KCTD7: variants seen among roughly 807,000 people sequenced by gnomAD.
KCTD7 encodes potassium channel tetramerization domain containing 7.
KCTD7 carries 15 observed loss-of-function variants against 27.0 expected under a neutral mutation model. The ratio of observed to expected loss-of-function variants is 0.56; its 90% CI spans 0.37 to 0.86. The LOEUF (loss-of-function observed/expected upper bound fraction) is 0.86. KCTD7 is among the 40% of genes least tolerant of loss of function. KCTD7 has a pLI of 0.00. For synonymous variants in KCTD7, 159 were observed against 162.7 expected (o/e 0.98, Z 0.17); for missense variants, 299 against 398.9 (o/e 0.75, Z 2.13).
rs758648043 is a variant in KCTD7, at chr7:66,628,952, C to G, written c.-113C>G. ...CCTGCGCACTGCCTCTCGCCCCCCT[C>G]CGGCCAGCCCGCAGCCGGCCGCGTC... On this transcript the variant is annotated 5_prime_UTR_variant, in exon 1 of 4. Coordinates refer to ENST00000639828, the MANE Select transcript of KCTD7 (RefSeq NM_153033.5). 1 of 1,136,668 alleles carries G rather than the reference C, an allele frequency of 8.8e-7. No individual in the cohort carries two copies. The highest frequency in any genetic ancestry group is 1.2e-6 in the Non-Finnish European group (1 of 860,108). The allele number at this position is 1,136,668 out of a possible 1,614,324, so 70.4% of individuals were successfully genotyped here.
In KCTD7 at chr7:66,639,523, AG is replaced by A; in HGVS notation, c.*292del. Reference sequence around the variant, plus strand: ...GCTGATAGCTAGGGCTTGACCAGGAAGTCCCGAGAAGTTTTGTCACCTTCTT... The same window carrying A: ...GCTGATAGCTAGGGCTTGACCAGGAATCCCGAGAAGTTTTGTCACCTTCTT... On this transcript the variant is annotated 3_prime_UTR_variant, in exon 4 of 4. Coordinates refer to ENST00000639828, the MANE Select transcript of KCTD7 (RefSeq NM_153033.5). The A allele has an allele frequency of 7.2e-7, 1 of 1,384,780 alleles. No individual in the cohort carries two copies. Among genetic ancestry groups the A allele is most frequent in the Non-Finnish European group, 9.4e-7 (1 of 1,067,336 alleles). 85.8% of individuals were successfully genotyped at this position (1,384,780 alleles called of 1,614,324 possible). A position where few individuals can be genotyped will look rare whatever the true frequency, so the allele number is the denominator to read the frequency against.
At chr7:66,632,869 C>T (rs562725104) in intron 1 of KCTD7, among the ~76,000 whole-genome samples, 89 of 142,840 alleles carry the variant, frequency 6.2e-4, no homozygotes, top group African/African-American at 2.3e-3. Flanking sequence ...CAGTGAAACC[C>T]CATCTCTACT....
intron 1 of KCTD7, among the ~76,000 whole-genome samples, chr7:66,631,108 CCTGT>C (rs1034405797): frequency 6.6e-5 from 10 of 152,276 alleles, no homozygotes; most frequent in South Asian, 2.1e-4. Flanking sequence ...AGTGTAACTA[CCTGT>C]CTATTTCTTT....
At position 66,639,214 on chromosome 7, in the gene KCTD7, C is replaced by T; in HGVS notation, c.852C>T (p.Phe284=). 1 of 1,612,868 alleles carries T rather than the reference C, an allele frequency of 6.2e-7. No individual in the cohort carries two copies. Among genetic ancestry groups the T allele is most frequent in the Non-Finnish European group, 8.5e-7 (1 of 1,180,034 alleles). ...ACTGCAAGCGCCCCATCTATGAGTT[C>T]AAGATCACATGGTGGTGAGTAGCCC... ...HYYCKRPIYE[F]KITWW Residue 284 remains phenylalanine, a synonymous_variant, in exon 4 of 4, where the codon TTC becomes TTT. Transcript: ENST00000639828.
In KCTD7 at chr7:66,641,818, A is replaced by C. The variant is rs1786724759; in HGVS notation, c.*2586A>C. ...GATTGTGGTAACGGCCTCCAGATAAAGGGGTTATCCCTGTGGAAGTGACTT... is the reference window on the plus strand; with the variant it reads ...GATTGTGGTAACGGCCTCCAGATAACGGGGTTATCCCTGTGGAAGTGACTT... On this transcript the variant is annotated 3_prime_UTR_variant, in exon 4 of 4. Coordinates refer to ENST00000639828, the MANE Select transcript of KCTD7 (RefSeq NM_153033.5). The C allele has an allele frequency of 1.0e-6, 1 of 985,344 alleles. No individual in the cohort carries two copies. The highest frequency in any genetic ancestry group is 1.2e-6 in the Non-Finnish European group (1 of 829,950). The allele number at this position is 985,344 out of a possible 1,614,324, so 61.0% of individuals were successfully genotyped here.
At chr7:66,632,097 G>C (rs942957713) in intron 1 of KCTD7, among the ~76,000 whole-genome samples, 7 of 152,178 alleles carry the variant, frequency 4.6e-5, no homozygotes, top group African/African-American at 1.7e-4. Context: ...AGGGACAGTA[G>C]ACAGAAATGC....
chr7:66,638,747 G>C, intron 3 of KCTD7, 109 bp from the exon 4 acceptor site: 2 of 1,375,020 alleles, frequency 1.5e-6, no homozygotes, highest in Non-Finnish European at 2.0e-6. Flanking sequence ...CGGGAAATCT[G>C]TCTTTCCCCT....
rs776525362 is a variant in KCTD7, at chr7:66,639,438, C to G, written c.*206C>G. The G allele has an allele frequency of 1.0e-5, 15 of 1,462,502 alleles. No homozygotes were observed. Among genetic ancestry groups the G allele is most frequent in the Admixed American group, 9.1e-5 (4 of 43,750 alleles). 90.6% of individuals were successfully genotyped at this position (1,462,502 alleles called of 1,614,324 possible). A position where few individuals can be genotyped will look rare whatever the true frequency, so the allele number is the denominator to read the frequency against. ...GGTTGGGCTCAGGGCTTGCGGCCTG[C>G]AGGCACTCCAGCCAGCGCTCACCTG... is the stretch of plus-strand genomic sequence containing the variant. On this transcript the variant is annotated 3_prime_UTR_variant, in exon 4 of 4. Transcript: ENST00000639828.
At chr7:66,631,593 G>A (rs949447733) in intron 1 of KCTD7, among the ~76,000 whole-genome samples, 2 of 151,342 alleles carry the variant, frequency 1.3e-5, no homozygotes, top group African/African-American at 4.8e-5. Context: ...AAGATGCATA[G>A]GGATACAATT....
At chr7:66,643,053 G>A, downstream of KCTD7, 2 of 985,404 alleles carry the variant, frequency 2.0e-6, no homozygotes, top group Non-Finnish European at 2.4e-6. Flanking sequence ...TAGAACCTGG[G>A]TGCTGTGCCT....
At chr7:66,635,064 G>A (rs1786556206) in intron 2 of KCTD7, among the ~76,000 whole-genome samples, 1 of 147,634 alleles carries the variant, frequency 6.8e-6, no homozygotes, top group African/African-American at 2.5e-5. Context: ...CCCAAGCTGA[G>A]TGCAGTGATG....
intron 1 of KCTD7, 54 bp from the exon 2 acceptor site, chr7:66,633,221 C>T: frequency 6.3e-7 from 1 of 1,583,180 alleles, no homozygotes; most frequent in Non-Finnish European, 8.7e-7. Context: ...GATGGAGCAG[C>T]CCCAGCTCTC....
intron 2 of KCTD7, among the ~76,000 whole-genome samples, chr7:66,633,756 G>A (rs1786509803): frequency 6.6e-6 from 1 of 151,952 alleles, no homozygotes. Context: ...GGAGGCTGAG[G>A]CAGGTAGATC....
At chr7:66,629,290 G>A in intron 1 of KCTD7, 82 bp downstream of exon 1, 2 of 1,024,460 alleles carry the variant, frequency 2.0e-6, no homozygotes, top group Non-Finnish European at 2.5e-6. Context: ...GTCCTCGGCG[G>A]GTGGGCGGGG....
chr7:66,642,078 T>A lies in KCTD7; in HGVS notation c.*2846T>A. ...AGTGAGTCAAAGCAAAGTGAAAGTTTCAGGAGATGGGACCAATGGTGCAAT... is the reference window on the plus strand; with the variant it reads ...AGTGAGTCAAAGCAAAGTGAAAGTTACAGGAGATGGGACCAATGGTGCAAT... On this transcript the variant is annotated 3_prime_UTR_variant, in exon 4 of 4. Transcript: ENST00000639828. 1 of 985,420 alleles carries A rather than the reference T, an allele frequency of 1.0e-6. No homozygotes were observed. 61.0% of individuals were successfully genotyped at this position (985,420 alleles called of 1,614,324 possible).
In KCTD7 at chr7:66,640,959, G is replaced by C. The variant is rs17229513; in HGVS notation, c.*1727G>C. The C allele has an allele frequency of 0.043, 42,778 of 985,492 alleles. 1,044 individuals carry two copies. The highest frequency in any genetic ancestry group is 0.092 in the East Asian group (811 of 8,814). 61.0% of individuals were successfully genotyped at this position (985,492 alleles called of 1,614,324 possible). The stretch of plus-strand genomic sequence containing the variant: ...GTTCATATGAGGAAGAGAAGACCAA[G>C]CCCTGGGACTTTGGCTGAATTCCTC... On this transcript the variant is annotated 3_prime_UTR_variant, in exon 4 of 4. Coordinates refer to ENST00000639828, the MANE Select transcript of KCTD7 (RefSeq NM_153033.5).
Position 66,640,867 on chromosome 7 carries a change from A to G in KCTD7, c.*1635A>G. 1 of 986,554 alleles carries G rather than the reference A, an allele frequency of 1.0e-6. No individual in the cohort carries two copies. Among genetic ancestry groups the G allele is most frequent in the Non-Finnish European group, 1.2e-6 (1 of 830,566 alleles). 61.1% of individuals were successfully genotyped at this position (986,554 alleles called of 1,614,324 possible). A position where few individuals can be genotyped will look rare whatever the true frequency, so the allele number is the denominator to read the frequency against. On this transcript the variant is annotated 3_prime_UTR_variant, in exon 4 of 4. Coordinates refer to ENST00000639828, the MANE Select transcript of KCTD7 (RefSeq NM_153033.5). ...AATAAATAAATAAATTGGGGAGGAC[A>G]GCCTCACTGGTATCAGACTTACAGG...
Position 66,639,882 on chromosome 7 carries a change from C to T in KCTD7, c.*650C>T, listed in dbSNP as rs1487866257. On this transcript the variant is annotated 3_prime_UTR_variant, in exon 4 of 4. Coordinates refer to ENST00000639828, the MANE Select transcript of KCTD7 (RefSeq NM_153033.5). ...CTGCCAAAGCTATGCACCCAGTTGG[C>T]CTTAGAAAACCACAATGTTTACAGC... The T allele has an allele frequency of 1.6e-6, 2 of 1,244,920 alleles. No homozygotes were observed. Among genetic ancestry groups the T allele is most frequent in the East Asian group, 3.1e-5 (1 of 32,322 alleles). 77.1% of individuals were successfully genotyped at this position (1,244,920 alleles called of 1,614,324 possible).
At position 66,640,769 on chromosome 7, in the gene KCTD7, G is replaced by C. The variant is rs1016338810; in HGVS notation, c.*1537G>C. On this transcript the variant is annotated 3_prime_UTR_variant, in exon 4 of 4. Transcript: ENST00000639828. Reference sequence around the variant, plus strand: ...CACTTGAGCCCAGGAGATTAAGACTGTAGTATACTATGATCGTGCCTGTGG... The same window carrying C: ...CACTTGAGCCCAGGAGATTAAGACTCTAGTATACTATGATCGTGCCTGTGG... 7 of 1,027,820 alleles carry C rather than the reference G, an allele frequency of 6.8e-6. No individual in the cohort carries two copies. Among genetic ancestry groups the C allele is most frequent in the Non-Finnish European group, 8.2e-6 (7 of 852,782 alleles). 63.7% of individuals were successfully genotyped at this position (1,027,820 alleles called of 1,614,324 possible).
Sources: allele counts gnomAD v4.1 joint callset (sites outside exome capture counted in the v4.1 genomes callset), GRCh38; gene constraint gnomAD v4.1.1; transcripts MANE v1.5; gene names NCBI Gene and HGNC (gene_info 2026-07-23, HGNC 2026-07-21).